The following WNT2 variants were observed in gnomAD, a reference collection of about 807,000 sequenced individuals.
WNT2 encodes Wnt family member 2.
Under a neutral mutation model 36.9 loss-of-function variants are expected in WNT2, and 12 were observed. The observed-to-expected ratio is 0.33, with a 90% CI of 0.21 to 0.53. The LOEUF (loss-of-function observed/expected upper bound fraction) is 0.53, where lower values mean the gene tolerates loss of function less well. Ranked by LOEUF, WNT2 falls within the 20% of genes least tolerant of loss-of-function variation. WNT2 has a pLI of 0.95. For missense variants in WNT2, 379 were observed against 473.1 expected (o/e 0.80, Z 1.84); for synonymous variants, 163 against 174.6 (o/e 0.93, Z 0.52).
At chr7:117,306,637 C>T (rs576060970) in intron 3 of WNT2, among the ~76,000 whole-genome samples, 4 of 152,278 alleles carry the variant, frequency 2.6e-5, no homozygotes, top group African/African-American at 9.6e-5. Flanking sequence ...TCAGCCTTCT[C>T]GTATGCTCCT....
intron 3 of WNT2, among the ~76,000 whole-genome samples, chr7:117,308,396 G>C (rs981801134): frequency 2.0e-5 from 3 of 152,074 alleles, no homozygotes; most frequent in Non-Finnish European, 4.4e-5. Flanking sequence ...GACTAATGAG[G>C]CAAGTCTAAA....
rs77959382 is a variant in WNT2, at chr7:117,297,826, G to A, written c.639C>T (p.Gly213=). The A allele has an allele frequency of 2.5e-6, 4 of 1,614,022 alleles. No homozygotes were observed. The highest frequency in any genetic ancestry group is 2.2e-5 in the South Asian group (2 of 91,090). The part of the protein sequence containing the change: ...KQECKCHGVS[G]SCTLRTCWLA... ...GCCAGCATGTCCTGAGAGTACATGAGCCGCTCACCCCGTGGCACTTGCACT... is the reference window on the plus strand; with the variant it reads ...GCCAGCATGTCCTGAGAGTACATGAACCGCTCACCCCGTGGCACTTGCACT... The change falls in exon 4 of 5, where the codon GGC becomes GGT. Residue 213 remains glycine (G), a synonymous_variant. Transcript: ENST00000265441.
chr7:117,311,365 A>C (rs1795118930), intron 3 of WNT2, among the ~76,000 whole-genome samples: 2 of 152,202 alleles, frequency 1.3e-5, no homozygotes, highest in Non-Finnish European at 2.9e-5. Flanking sequence ...TTCTCAACAA[A>C]AGCAATATGG....
intron 3 of WNT2, among the ~76,000 whole-genome samples, chr7:117,307,194 T>C (rs771990817): frequency 1.1e-4 from 16 of 152,206 alleles, no homozygotes; most frequent in Non-Finnish European, 2.2e-4. Context: ...CTATTTTATA[T>C]TTCTCTGCTC....
chr7:117,286,125 T>TA (rs571559518), intron 4 of WNT2, among the ~76,000 whole-genome samples: 116 of 152,014 alleles, frequency 7.6e-4, no homozygotes, highest in African/African-American at 2.6e-3. Context: ...TGCATAAGAT[T>TA]AAAAAAAAGG....
chr7:117,318,533 G>T (rs1795262350), intron 2 of WNT2, among the ~76,000 whole-genome samples: 1 of 152,182 alleles, frequency 6.6e-6, no homozygotes, highest in Non-Finnish European at 1.5e-5. Flanking sequence ...ATTTACCTGA[G>T]GTCTAGACTA....
chr7:117,288,417 C>G (rs565022934), intron 4 of WNT2, among the ~76,000 whole-genome samples: 53 of 152,164 alleles, frequency 3.5e-4, no homozygotes, highest in African/African-American at 1.1e-3. Flanking sequence ...ATAGATCACA[C>G]AGGGCTCTTT....
intron 3 of WNT2, among the ~76,000 whole-genome samples, chr7:117,311,951 G>T (rs1795129434): frequency 6.6e-6 from 1 of 152,146 alleles, no homozygotes; most frequent in Non-Finnish European, 1.5e-5. Context: ...TAAGTTAGAG[G>T]CACCTTTTAG....
Position 117,278,275 on chromosome 7 carries a change from C to A in WNT2, c.963G>T (p.Met321Ile). 2 of 1,614,240 alleles carry A rather than the reference C, an allele frequency of 1.2e-6. No homozygotes were observed. Among genetic ancestry groups the A allele is most frequent in the Middle Eastern group, 1.6e-4 (1 of 6,062 alleles). The change falls in exon 5 of 5, where the codon ATG (methionine) becomes ATT (isoleucine). Residue 321 changes from methionine to isoleucine, a missense_variant. By Grantham distance (10) the Met-to-Ile change is conservative (BLOSUM62 1). Coordinates refer to ENST00000265441, the MANE Select transcript of WNT2 (RefSeq NM_003391.3). Reference sequence around the variant, plus strand: ...AGTGGAACTTACACCCACACTTGGTCATCCGGGTGACATGGGAGGTGTCGT... The same window carrying A: ...AGTGGAACTTACACCCACACTTGGTAATCCGGGTGACATGGGAGGTGTCGT... ...RGYDTSHVTRMTKCGCKFHWC... is the reference protein window; with the variant it reads ...RGYDTSHVTRITKCGCKFHWC...
chr7:117,308,480 G>A (rs1795058092), intron 3 of WNT2, among the ~76,000 whole-genome samples: 1 of 152,148 alleles, frequency 6.6e-6, no homozygotes, highest in African/African-American at 2.4e-5. Context: ...CCTGTCTTGG[G>A]ACTTGACTTC....
intron 3 of WNT2, among the ~76,000 whole-genome samples, chr7:117,306,959 T>C (rs1359933651): frequency 6.6e-6 from 1 of 152,256 alleles, no homozygotes; most frequent in Admixed American, 6.5e-5. Flanking sequence ...TAGCAGATTT[T>C]TTTATGTGGC....
chr7:117,280,756 T>C (rs1296438654), intron 4 of WNT2, among the ~76,000 whole-genome samples: 1 of 152,256 alleles, frequency 6.6e-6, no homozygotes, highest in Non-Finnish European at 1.5e-5. Context: ...CATAGAGCTT[T>C]TGGTGAGAAC....
intron 4 of WNT2, among the ~76,000 whole-genome samples, chr7:117,289,211 C>T (rs546956863): frequency 6.6e-6 from 1 of 152,014 alleles, no homozygotes; most frequent in Non-Finnish European, 1.5e-5. Flanking sequence ...GCGCCCACCA[C>T]AACGCCCGGC....
rs140868546 is a variant in WNT2, at chr7:117,303,651, C to T, written c.589-5775G>A. Among the ~76,000 whole-genome samples, 4 of 152,228 alleles carry T rather than the reference C, an allele frequency of 2.6e-5. No homozygotes were observed. In the East Asian group the frequency reaches 7.7e-4, roughly 29 times the overall value. ...AAGAATGAGTGACTAAAGTCGAGGACCTCTGTTCTGTAACTATAAGTAAAT... is the reference window on the plus strand; with the variant it reads ...AAGAATGAGTGACTAAAGTCGAGGATCTCTGTTCTGTAACTATAAGTAAAT... On this transcript the variant is annotated intron_variant, in intron 3 of 4. Transcript: ENST00000265441.
chr7:117,311,633 A>G (rs1436014571), intron 3 of WNT2, among the ~76,000 whole-genome samples: 2 of 152,256 alleles, frequency 1.3e-5, no homozygotes, highest in African/African-American at 4.8e-5. Flanking sequence ...TGAATAGAAG[A>G]TGACTCTATA....
intron 3 of WNT2, among the ~76,000 whole-genome samples, chr7:117,309,348 C>G (rs1227832661): frequency 1.3e-5 from 2 of 152,156 alleles, no homozygotes; most frequent in African/African-American, 4.8e-5. Flanking sequence ...AGGCCATGCT[C>G]AGGGGCAGGC....
chr7:117,309,798 C>G (rs1486544448), intron 3 of WNT2, among the ~76,000 whole-genome samples: 2 of 152,162 alleles, frequency 1.3e-5, no homozygotes, highest in Admixed American at 1.3e-4. Flanking sequence ...CATTAACTAT[C>G]ATGTTGAAAA....
intron 3 of WNT2, among the ~76,000 whole-genome samples, chr7:117,309,431 C>T (rs1335370669): frequency 6.6e-6 from 1 of 152,026 alleles, no homozygotes; most frequent in Non-Finnish European, 1.5e-5. Context: ...TTTTGGACCC[C>T]CTCACCCTCT....
At chr7:117,303,676 T>G (rs1488994834) in intron 3 of WNT2, among the ~76,000 whole-genome samples, 1 of 152,188 alleles carries the variant, frequency 6.6e-6, no homozygotes, top group East Asian at 1.9e-4. Context: ...TATAAGTAAA[T>G]TTTGATTCTA....
Sources: gnomAD v4.1 joint callset for allele counts (sites outside exome capture counted in the v4.1 genomes callset) on GRCh38, gnomAD v4.1.1 for gene constraint, MANE v1.5 for transcripts, NCBI Gene and HGNC (gene_info 2026-07-23, HGNC 2026-07-21) for gene names.